Variants in OXR1 observed in about 807,000 individuals in gnomAD.
The protein encoded by OXR1 is oxidation resistance protein 1.
OXR1 carries 41 observed loss-of-function variants against 104.6 expected under a neutral mutation model. The ratio of observed to expected loss-of-function variants is 0.39; its 90% CI spans 0.31 to 0.51. The LOEUF (loss-of-function observed/expected upper bound fraction) is 0.51. OXR1 is among the 20% of genes least tolerant of loss of function. OXR1 has a pLI of 0.77. For missense variants in OXR1, 955 were observed against 1,031.9 expected (o/e 0.93, Z 1.02); for synonymous variants, 348 against 348.4 (o/e 1.00, Z 0.01).
rs2130119940 is a variant in OXR1 at position 106,520,355 on chromosome 8, A to G, written c.220+1216A>G. ...CAGATTTCTAGTTCTAATTCCTACA[A>G]CAATTTCCTGTGTGACTCTGTCAAG... On this transcript the variant is annotated intron_variant, in intron 3 of 16. Transcript: ENST00000517566. 2 of 152,174 alleles carry G rather than the reference A, an allele frequency of 1.3e-5. 1 individual carries two copies. The highest frequency in any genetic ancestry group is 1.3e-4 in the Admixed American group (2 of 15,288). 9.4% of individuals were successfully genotyped at this position (152,174 alleles called of 1,614,324 possible).
chr8:106,718,363 T>TA (rs1832468163), intron 11 of OXR1, among the ~76,000 whole-genome samples: 1 of 152,196 alleles, frequency 6.6e-6, no homozygotes, highest in Admixed American at 6.5e-5. Flanking sequence ...AACATATATT[T>TA]ACTAAGAAAA....
intron 1 of OXR1, among the ~76,000 whole-genome samples, chr8:106,321,787 TAAAC>T (rs1483850582): frequency 5.3e-5 from 8 of 152,180 alleles, no homozygotes; most frequent in Non-Finnish European, 1.2e-4. Flanking sequence ...AAAACAATCT[TAAAC>T]AATTAATTGG....
chr8:106,639,731 G>A (rs1823470974), intron 3 of OXR1, among the ~76,000 whole-genome samples: 1 of 152,106 alleles, frequency 6.6e-6, no homozygotes, highest in South Asian at 2.1e-4. Context: ...ATAAGATGTG[G>A]CAAGGGATTC....
At chr8:106,511,853 C>G (rs1812553659) in intron 2 of OXR1, among the ~76,000 whole-genome samples, 1 of 152,114 alleles carries the variant, frequency 6.6e-6, no homozygotes, top group Admixed American at 6.6e-5. Flanking sequence ...GGTTGTATTT[C>G]AGCTTTTCTA....
intron 2 of OXR1, among the ~76,000 whole-genome samples, chr8:106,484,539 T>C (rs1822330955): frequency 6.6e-6 from 1 of 151,954 alleles, no homozygotes; most frequent in African/African-American, 2.4e-5. Flanking sequence ...AAATAAAATA[T>C]ACAGATGGCA....
rs142906904 is a variant in OXR1, at chr8:106,581,850, C to G, written c.220+62711C>G. ...ACCAGCCTGACCAACATGGAGAAAC[C>G]CTGTCTCTATTAAAAATACAAAAAT... On this transcript the variant is annotated intron_variant, in intron 3 of 16. Coordinates refer to ENST00000517566, the MANE Select transcript of OXR1 (RefSeq NM_001198533.2). Among the ~76,000 whole-genome samples the G allele has an allele frequency of 5.2e-3, 784 of 151,458 alleles. 6 individuals are homozygous for G. Among genetic ancestry groups the G allele is most frequent in the African/African-American group, 0.018 (755 of 41,310 alleles).
intron 2 of OXR1, among the ~76,000 whole-genome samples, chr8:106,386,940 T>A (rs544854743): frequency 6.6e-6 from 1 of 152,084 alleles, no homozygotes; most frequent in Non-Finnish European, 1.5e-5. Flanking sequence ...GTAAGTTAGA[T>A]GATTGGAGGT....
rs188643792 is a variant in OXR1 at position 106,526,633 on chromosome 8, C to A, written c.220+7494C>A. Among the ~76,000 whole-genome samples the A allele has an allele frequency of 1.6e-4, 24 of 152,360 alleles. No individual in the cohort carries two copies. In the East Asian group the frequency reaches 4.2e-3, roughly 27 times the overall value. On this transcript the variant is annotated intron_variant, in intron 3 of 16. Transcript: ENST00000517566. ...TCTCGGCTCGCTGCAAGCTCCGCCT[C>A]CCGGGTTCACGCCATTCTCCTGCCT...
At chr8:106,388,530 C>A (rs535687914) in intron 2 of OXR1, among the ~76,000 whole-genome samples, 1 of 152,122 alleles carries the variant, frequency 6.6e-6, no homozygotes, top group Non-Finnish European at 1.5e-5. Flanking sequence ...TCAAGCGATT[C>A]TCCTGCCTCA....
At chr8:106,469,954 A>G (rs937396144) in intron 2 of OXR1, among the ~76,000 whole-genome samples, 23 of 151,782 alleles carry the variant, frequency 1.5e-4, no homozygotes, top group Admixed American at 3.3e-4. Context: ...CGAAACAGGT[A>G]TCTGTGGGGG....
rs902649335 is a variant in OXR1, at chr8:106,553,728, C to T, written c.220+34589C>T. Among the ~76,000 whole-genome samples, 8 of 152,296 alleles carry T rather than the reference C, an allele frequency of 5.3e-5. No individual in the cohort carries two copies. The South Asian group carries it at 1.2e-3, about 24-fold the overall frequency. ...TGTATAATCTATACATCCACCTCCA[C>T]CACCCCTACCATAAACTTCACTTCT... is the stretch of plus-strand genomic sequence containing the variant. On this transcript the variant is annotated intron_variant, in intron 3 of 16. Coordinates refer to ENST00000517566, the MANE Select transcript of OXR1 (RefSeq NM_001198533.2).
chr8:106,650,818 A>G (rs1055843345), intron 3 of OXR1, among the ~76,000 whole-genome samples: 20 of 152,212 alleles, frequency 1.3e-4, no homozygotes, highest in Non-Finnish European at 2.5e-4. Flanking sequence ...GGTGTTCTAT[A>G]TCTTCCTTTC....
intron 3 of OXR1, among the ~76,000 whole-genome samples, chr8:106,678,659 C>A (rs1242060347): frequency 6.6e-6 from 1 of 151,930 alleles, no homozygotes; most frequent in East Asian, 1.9e-4. Flanking sequence ...GGCATTCAAT[C>A]TGAAAGTAAA....
At chr8:106,367,105 C>A (rs1379684679) in intron 2 of OXR1, among the ~76,000 whole-genome samples, 3 of 148,474 alleles carry the variant, frequency 2.0e-5, no homozygotes, top group Non-Finnish European at 4.4e-5. Context: ...CCCTGTTACC[C>A]AAGCTGGGGT....
intron 3 of OXR1, among the ~76,000 whole-genome samples, chr8:106,601,656 T>G (rs1819978660): frequency 6.6e-6 from 1 of 152,226 alleles, no homozygotes; most frequent in African/African-American, 2.4e-5. Context: ...AACAGGCAGT[T>G]CATCACAGTT....
intron 2 of OXR1, among the ~76,000 whole-genome samples, chr8:106,456,086 G>A (rs917521102): frequency 6.6e-6 from 1 of 152,124 alleles, no homozygotes; most frequent in Non-Finnish European, 1.5e-5. Flanking sequence ...AGATCATTTT[G>A]TATTGTATGC....
At chr8:106,349,313 C>T (rs1227887879) in intron 1 of OXR1, among the ~76,000 whole-genome samples, 2 of 151,906 alleles carry the variant, frequency 1.3e-5, no homozygotes, top group Non-Finnish European at 2.9e-5. Context: ...AAGAATTTAA[C>T]TTTTTTAAAA....
chr8:106,644,637 C>T (rs1191567913), intron 3 of OXR1, among the ~76,000 whole-genome samples: 2 of 152,142 alleles, frequency 1.3e-5, no homozygotes, highest in Non-Finnish European at 1.5e-5. Context: ...GGGGCTGAGG[C>T]ACCTGGAGCG....
intron 3 of OXR1, among the ~76,000 whole-genome samples, chr8:106,671,267 A>C (rs1480577400): frequency 2.0e-5 from 3 of 152,132 alleles, no homozygotes; most frequent in African/African-American, 7.2e-5. Context: ...CTATAGATTT[A>C]AAATGTTAAA....
Sources: allele counts gnomAD v4.1 joint callset (sites outside exome capture counted in the v4.1 genomes callset), GRCh38; gene constraint gnomAD v4.1.1; transcripts MANE v1.5; gene names NCBI Gene and HGNC (gene_info 2026-07-23, HGNC 2026-07-21).